SHROOM3: variants seen among roughly 807,000 people sequenced by gnomAD.
SHROOM3 encodes the protein shroom family member 3.
SHROOM3 carries 47 observed loss-of-function variants against 138.6 expected under a neutral mutation model. The ratio of observed to expected loss-of-function variants is 0.34; its 90% CI spans 0.27 to 0.43. The LOEUF is 0.43. Among genes scored for constraint, SHROOM3 ranks in the 20% least tolerant of loss-of-function variants. The probability of loss-of-function intolerance (pLI) is 1.00; values close to 1 mark genes in which losing one functional copy is unlikely to be tolerated. For synonymous variants in SHROOM3, 1,062 were observed against 1,063.3 expected, an observed-to-expected ratio of 1.00 and a Z score of 0.02; for missense variants, 2,491 against 2,596.5, an observed-to-expected ratio of 0.96 and a Z score of 0.88.
intron 1 of SHROOM3, among the ~76,000 whole-genome samples, chr4:76,548,322 T>C (rs2110024775): frequency 6.6e-6 from 1 of 152,238 alleles, no homozygotes; most frequent in South Asian, 2.1e-4. Flanking sequence ...GCGGTTTCTC[T>C]TCTAAGTGTG....
intron 3 of SHROOM3, among the ~76,000 whole-genome samples, chr4:76,724,845 C>T (rs1720653689): frequency 6.6e-6 from 1 of 152,164 alleles, no homozygotes; most frequent in Non-Finnish European, 1.5e-5. Context: ...TTTAGGTTGT[C>T]TTCCAATCTT....
intron 1 of SHROOM3, among the ~76,000 whole-genome samples, chr4:76,496,025 GGAA>G (rs1378192630): frequency 6.6e-6 from 1 of 152,224 alleles, no homozygotes; most frequent in African/African-American, 2.4e-5. Context: ...TTCATACAAT[GGAA>G]GAATATGTGT....
At chr4:76,518,460 C>A (rs551931407) in intron 1 of SHROOM3, among the ~76,000 whole-genome samples, 1 of 151,976 alleles carries the variant, frequency 6.6e-6, no homozygotes, top group Middle Eastern at 3.4e-3. Flanking sequence ...TCTTTCCCCT[C>A]CCCCCTCCTT....
At chr4:76,641,499 G>A (rs1213628772) in intron 2 of SHROOM3, among the ~76,000 whole-genome samples, 2 of 152,156 alleles carry the variant, frequency 1.3e-5, no homozygotes, top group African/African-American at 4.8e-5. Flanking sequence ...ATTGAATCAG[G>A]GAAAACCATG....
At chr4:76,556,737 A>G (rs1016075104) in intron 2 of SHROOM3, among the ~76,000 whole-genome samples, 3 of 152,246 alleles carry the variant, frequency 2.0e-5, no homozygotes, top group African/African-American at 4.8e-5. Flanking sequence ...TTCAGGCTGT[A>G]GAAAGTAAGC....
chr4:76,482,159 A>C (rs563966686), intron 1 of SHROOM3, among the ~76,000 whole-genome samples: 1 of 152,214 alleles, frequency 6.6e-6, no homozygotes, highest in Non-Finnish European at 1.5e-5. Context: ...GGCCAGGGCA[A>C]TCAGGCAAGA....
At chr4:76,690,096 G>C (rs1054424097) in intron 2 of SHROOM3, among the ~76,000 whole-genome samples, 4 of 152,174 alleles carry the variant, frequency 2.6e-5, no homozygotes, top group Non-Finnish European at 4.4e-5. Context: ...CTGTAGGAAA[G>C]GCTCCTGAAG....
chr4:76,620,550 G>A lies in SHROOM3; in HGVS notation c.323+64787G>A, dbSNP rs149779565. ...AGGCCAAGGGAAGAAAGTTTTAGAC[G>A]GAGGGAATGGTTGGCAATGCCAACA... On this transcript the variant is annotated intron_variant, in intron 2 of 10. Transcript: ENST00000296043. Among the ~76,000 whole-genome samples the A allele has an allele frequency of 4.5e-4, 69 of 152,306 alleles. 1 individual carries two copies. In the East Asian group the frequency reaches 9.3e-3, roughly 20 times the overall value.
chr4:76,588,271 T>C (rs1734191497), intron 2 of SHROOM3, among the ~76,000 whole-genome samples: 1 of 152,216 alleles, frequency 6.6e-6, no homozygotes, highest in Non-Finnish European at 1.5e-5. Flanking sequence ...TAAATAGATA[T>C]TTTATTCCAA....
Position 76,555,753 on chromosome 4 carries a change from G to A in SHROOM3, c.313G>A (p.Val105Ile), listed in dbSNP as rs1474609321. The A allele has an allele frequency of 1.9e-6, 3 of 1,612,998 alleles. No homozygotes were observed. Among genetic ancestry groups the A allele is most frequent in the African/African-American group, 2.7e-5 (2 of 75,032 alleles). Residue 105 changes from valine to isoleucine, a missense_variant, in exon 2 of 11, where the codon GTA becomes ATA. Physicochemically the swap from Val to Ile is conservative, Grantham distance 29. Transcript: ENST00000296043. Reference protein sequence around the residue: ...VKGSYKTLRLVVRRDVCTDPG... With the variant: ...VKGSYKTLRLIVRRDVCTDPG... ...AGGATCCTACAAGACCCTCAGGCTG[G>A]TAGTGCGCAGGTAGGTGGCAGACCC...
intron 1 of SHROOM3, among the ~76,000 whole-genome samples, chr4:76,498,108 G>T (rs1396468988): frequency 6.6e-6 from 1 of 152,164 alleles, no homozygotes; most frequent in Non-Finnish European, 1.5e-5. Flanking sequence ...GTCATACAAA[G>T]TTGTATTTCC....
intron 2 of SHROOM3, among the ~76,000 whole-genome samples, chr4:76,569,694 T>C (rs1733795875): frequency 7.4e-6 from 1 of 134,730 alleles, no homozygotes; most frequent in Non-Finnish European, 1.6e-5. Context: ...TTTCTTCCTA[T>C]GACAGTTTTT....
chr4:76,779,216 C>T lies in SHROOM3; in HGVS notation c.*39C>T. On this transcript the variant is annotated 3_prime_UTR_variant, in exon 11 of 11. Transcript: ENST00000296043. ...ACCCAACCAAAAGATCACTGTTTCT[C>T]TCAACACTATTTAATCTGAAAAATG... 1.3e-6 allele frequency: 2 copies of T among 1,562,570 alleles called. No individual in the cohort carries two copies. The highest frequency in any genetic ancestry group is 1.4e-5 in the African/African-American group (1 of 73,464).
rs35294663 is a variant in SHROOM3 at position 76,557,226 on chromosome 4, T to TACACACACACACACACACAC, written c.323+1480_323+1499dup. ...GTGTATATATGTATATGTTTATGTA[T>TACACACACACACACACACAC]ACACACACACACACACACACACACA... On this transcript the variant is annotated intron_variant, in intron 2 of 10. Transcript: ENST00000296043. 1.3e-3 allele frequency among the ~76,000 whole-genome samples: 191 copies of TACACACACACACACACACAC among 142,018 alleles called. 2 individuals carry two copies. Among genetic ancestry groups the TACACACACACACACACACAC allele is most frequent in the Non-Finnish European group, 2.2e-3 (148 of 65,914 alleles). The allele number at this position is 142,018 out of a possible 152,430, so 93.2% of individuals were successfully genotyped here.
intron 3 of SHROOM3, among the ~76,000 whole-genome samples, chr4:76,712,440 T>C (rs1169339565): frequency 6.6e-6 from 1 of 152,154 alleles, no homozygotes; most frequent in Admixed American, 6.6e-5. Context: ...GGGTTTGAGC[T>C]AGAAACAATT....
intron 2 of SHROOM3, among the ~76,000 whole-genome samples, chr4:76,679,288 C>T (rs150776782): frequency 4.6e-4 from 70 of 152,304 alleles, no homozygotes; most frequent in African/African-American, 1.6e-3. Context: ...CCTCCAGGCA[C>T]GCTAGTGTCT....
At chr4:76,649,830 A>G (rs1024530020) in intron 2 of SHROOM3, among the ~76,000 whole-genome samples, 3 of 152,208 alleles carry the variant, frequency 2.0e-5, no homozygotes, top group Non-Finnish European at 4.4e-5. Context: ...ATTCCTTAAT[A>G]CACTTTCTTA....
chr4:76,590,785 A>G (rs1471517870), intron 2 of SHROOM3, among the ~76,000 whole-genome samples: 1 of 152,068 alleles, frequency 6.6e-6, no homozygotes, highest in Non-Finnish European at 1.5e-5. Flanking sequence ...GAAAATAGTC[A>G]GCAAAAATAT....
At chr4:76,593,838 A>G (rs1172681396) in intron 2 of SHROOM3, among the ~76,000 whole-genome samples, 1 of 152,110 alleles carries the variant, frequency 6.6e-6, no homozygotes, top group Non-Finnish European at 1.5e-5. Context: ...TTGCAGTGTC[A>G]CCATGGTCCT....
Sources: gnomAD v4.1 joint callset for allele counts (sites outside exome capture counted in the v4.1 genomes callset) on GRCh38, gnomAD v4.1.1 for gene constraint, MANE v1.5 for transcripts, NCBI Gene and HGNC (gene_info 2026-07-23, HGNC 2026-07-21) for gene names.